The following EBF4 variants were observed in gnomAD, a reference collection of about 807,000 sequenced individuals.
The protein encoded by EBF4 is EBF transcription factor 4.
A neutral mutation model predicts 67.1 loss-of-function variants in EBF4; 34 were observed. The observed-to-expected ratio is 0.51, with a 90% CI of 0.39 to 0.67. EBF4 has a LOEUF of 0.67. EBF4 is among the 30% of genes least tolerant of loss of function. EBF4 has a pLI of 0.00. For synonymous variants in EBF4, 387 were observed against 377.7 expected (o/e 1.02, Z -0.29); for missense variants, 837 against 873.3 (o/e 0.96, Z 0.52).
chr20:2,718,410 T>A (rs2087638510), intron 6 of EBF4, among the ~76,000 whole-genome samples: 2 of 152,198 alleles, frequency 1.3e-5, no homozygotes, highest in African/African-American at 4.8e-5. Context: ...CATAAAGCCA[T>A]CTGGGGCTGG....
chr20:2,744,833 G>T (rs1177476325), intron 6 of EBF4, among the ~76,000 whole-genome samples: 1 of 152,052 alleles, frequency 6.6e-6, no homozygotes, highest in Non-Finnish European at 1.5e-5. Context: ...GTAGCCACAA[G>T]AAACTGATAC....
At chr20:2,738,852 GA>G (rs1167921519) in intron 6 of EBF4, among the ~76,000 whole-genome samples, 8 of 152,226 alleles carry the variant, frequency 5.3e-5, no homozygotes, top group Admixed American at 5.2e-4. Flanking sequence ...CAGGGGAACA[GA>G]AGGTGTTCAG....
chr20:2,758,278 G>T, intron 15 of EBF4, among the ~76,000 whole-genome samples: 1 of 152,242 alleles, frequency 6.6e-6, no homozygotes, highest in East Asian at 1.9e-4. Context: ...GACGTCACAT[G>T]CCCCAGAATA....
At chr20:2,720,943 T>C (rs923637647) in intron 6 of EBF4, among the ~76,000 whole-genome samples, 8 of 152,202 alleles carry the variant, frequency 5.3e-5, no homozygotes, top group South Asian at 2.1e-4. Context: ...AAATCTGATG[T>C]TTATCCTTAT....
chr20:2,693,804 G>A lies in EBF4; in HGVS notation c.137+22G>A. 7.9e-7 allele frequency: 1 copy of A among 1,271,320 alleles called. No individual in the cohort carries two copies. Among genetic ancestry groups the A allele is most frequent in the Non-Finnish European group, 9.9e-7 (1 of 1,007,704 alleles). The allele number at this position is 1,271,320 out of a possible 1,614,324, so 78.8% of individuals were successfully genotyped here. ...AGAGGTAAGCGCTCGGACCGGACCCGGTGCGCTCGGGTTGGACGGCTGCGC... is the reference window on the plus strand; with the variant it reads ...AGAGGTAAGCGCTCGGACCGGACCCAGTGCGCTCGGGTTGGACGGCTGCGC... On this transcript the variant is annotated intron_variant, in intron 1 of 16. Transcript: ENST00000609451. This position sits in a 1 kb window ranked among gnomAD's most constrained non-coding sequence, Gnocchi z 4.6.
At chr20:2,731,513 C>A (rs2087812799) in intron 6 of EBF4, among the ~76,000 whole-genome samples, 1 of 152,156 alleles carries the variant, frequency 6.6e-6, no homozygotes, top group South Asian at 2.1e-4. Context: ...TTAGCCACAC[C>A]CTGCTGCAAG....
intron 5 of EBF4, among the ~76,000 whole-genome samples, chr20:2,708,724 A>T (rs2087495402): frequency 6.6e-6 from 1 of 152,254 alleles, no homozygotes; most frequent in African/African-American, 2.4e-5. Flanking sequence ...CCCTGTCTCT[A>T]AAAAAATAAA....
intron 5 of EBF4, among the ~76,000 whole-genome samples, chr20:2,708,535 A>T (rs537186886): frequency 1.3e-5 from 2 of 152,290 alleles, no homozygotes; most frequent in East Asian, 3.9e-4. Context: ...CCTCGGAGGC[A>T]GTTCCTGATG....
intron 6 of EBF4, among the ~76,000 whole-genome samples, chr20:2,742,517 AC>A (rs2087983019): frequency 6.6e-6 from 1 of 152,118 alleles, no homozygotes; most frequent in East Asian, 1.9e-4. Context: ...AGCTTCTGCG[AC>A]TTGGCCTTTC....
rs71193988 is a variant in EBF4 at position 2,705,785 on chromosome 20, CCACACACACACACACACA to C, written c.294+88_294+105del. 2.3e-3 allele frequency: 1,763 copies of C among 752,292 alleles called. 9 individuals carry two copies. The highest frequency in any genetic ancestry group is 0.021 in the African/African-American group (1,136 of 54,554). 46.6% of individuals were successfully genotyped at this position (752,292 alleles called of 1,614,324 possible). On this transcript the variant is annotated intron_variant, in intron 2 of 16. Coordinates refer to ENST00000609451, the Ensembl canonical transcript of EBF4. ...ACTGGCCCCGGGAGGGAACCCCCAA[CCACACACACACACACACA>C]CACACACACACACACACACACACAC...
chr20:2,749,724 G>A, exon 9 of EBF4: 1 of 1,551,188 alleles, frequency 6.4e-7, no homozygotes, highest in Non-Finnish European at 8.7e-7. Flanking sequence ...GTTGCAGGTC[G>A]TGTTCGGAAA....
At position 2,751,474 on chromosome 20, in the gene EBF4, G is replaced by A. The variant is rs1042971482; in HGVS notation, c.1019-226G>A. Among the ~76,000 whole-genome samples, 8 of 152,186 alleles carry A rather than the reference G, an allele frequency of 5.3e-5. No homozygotes were observed. The highest frequency in any genetic ancestry group is 1.9e-4 in the African/African-American group (8 of 41,448). On this transcript the variant is annotated intron_variant, in intron 10 of 16. Coordinates refer to ENST00000609451, the Ensembl canonical transcript of EBF4. This position sits in a 1 kb window ranked among gnomAD's most constrained non-coding sequence, Gnocchi z 5.2. ...CGCCTAGGGCCGAGGACAGAGGCTGGCTCAGTAAATATTTGTTGAGTAAAC... is the reference window on the plus strand; with the variant it reads ...CGCCTAGGGCCGAGGACAGAGGCTGACTCAGTAAATATTTGTTGAGTAAAC...
intron 1 of EBF4, among the ~76,000 whole-genome samples, chr20:2,699,220 C>T (rs2087340112): frequency 6.6e-6 from 1 of 152,226 alleles, no homozygotes; most frequent in African/African-American, 2.4e-5. Context: ...CCACAGGCAT[C>T]TGCATACACT....
At position 2,693,579 on chromosome 20, in the gene EBF4, T is replaced by G. The variant is rs1012311788; in HGVS notation, c.-67T>G. 2.3e-6 allele frequency: 3 copies of G among 1,321,480 alleles called. No homozygotes were observed. Among genetic ancestry groups the G allele is most frequent in the Non-Finnish European group, 1.9e-6 (2 of 1,038,656 alleles). The allele number at this position is 1,321,480 out of a possible 1,614,324, so 81.9% of individuals were successfully genotyped here. On this transcript the variant is annotated 5_prime_UTR_variant, in exon 1 of 17. Coordinates refer to ENST00000609451, the Ensembl canonical transcript of EBF4. The surrounding 1 kb of genome is among the most constrained non-coding windows in gnomAD (Gnocchi z 4.6). ...CTGGTGCCGTCGGGTCGGGCTGAGC[T>G]AGACGCCCGCAGCCTCAGCGGGACC... is the stretch of plus-strand genomic sequence containing the variant.
intron 6 of EBF4, among the ~76,000 whole-genome samples, chr20:2,725,556 C>G (rs930584674): frequency 2.6e-5 from 4 of 152,010 alleles, no homozygotes; most frequent in Non-Finnish European, 4.4e-5. Flanking sequence ...AATCTGTTGT[C>G]CATTATTTCT....
In EBF4 at chr20:2,756,718, G is replaced by A. The variant is rs181902033; in HGVS notation, c.1738+894G>A. 7.9e-5 allele frequency among the ~76,000 whole-genome samples: 12 copies of A among 152,374 alleles called. No individual in the cohort carries two copies. Among genetic ancestry groups the A allele is most frequent in the African/African-American group, 2.9e-4 (12 of 41,592 alleles). On this transcript the variant is annotated intron_variant, in intron 15 of 16. Coordinates refer to ENST00000609451, the Ensembl canonical transcript of EBF4. This position sits in a 1 kb window ranked among gnomAD's most constrained non-coding sequence, Gnocchi z 4.5. ...CACACAGAAGGCTGCAGTGCAGTTT[G>A]TGGGGCACTGATCTGGAAGAGGTTG...
chr20:2,750,100 C>A, intron 10 of EBF4, 127 bp downstream of exon 10: 1 of 1,360,520 alleles, frequency 7.4e-7, no homozygotes, highest in Non-Finnish European at 9.7e-7. Flanking sequence ...CCCTAGACGG[C>A]CCCGGGCCCC....
chr20:2,714,120 C>G lies in EBF4; in HGVS notation c.557+4478C>G, dbSNP rs1191991738. Among the ~76,000 whole-genome samples the G allele has an allele frequency of 4.6e-5, 7 of 152,060 alleles. No homozygotes were observed. The East Asian group carries it at 1.2e-3, about 25-fold the overall frequency. On this transcript the variant is annotated intron_variant, in intron 6 of 16. Coordinates refer to ENST00000609451, the Ensembl canonical transcript of EBF4. The stretch of plus-strand genomic sequence containing the variant: ...GCAGTGGTTACCGTAACTATTTTTT[C>G]TCATATTTCTCCATCGTGTAAGCGA...
At chr20:2,753,334 T>C (rs2088187152) in intron 14 of EBF4, among the ~76,000 whole-genome samples, 1 of 152,212 alleles carries the variant, frequency 6.6e-6, no homozygotes, top group South Asian at 2.1e-4. Flanking sequence ...ACAGGCAATG[T>C]CTGCATGTCA....
Sources: gnomAD v4.1 joint callset for allele counts (sites outside exome capture counted in the v4.1 genomes callset) on GRCh38, gnomAD v4.1.1 for gene constraint, Gnocchi (gnomAD v3.1) non-coding constraint, MANE v1.5 for transcripts, NCBI Gene and HGNC (gene_info 2026-07-23, HGNC 2026-07-21) for gene names.